CDH13: variants seen among roughly 807,000 people sequenced by gnomAD.
CDH13 encodes cadherin-13.
CDH13 carries 24 observed loss-of-function variants against 63.8 expected under a neutral mutation model. The observed-to-expected ratio is 0.38, with a 90% CI of 0.27 to 0.53. CDH13 has a LOEUF of 0.53. Ranked by LOEUF, CDH13 falls within the 20% of genes least tolerant of loss-of-function variation. The probability of loss-of-function intolerance (pLI) is 0.85; values close to 1 mark genes in which losing one functional copy is unlikely to be tolerated. For missense variants in CDH13, 1,049 were observed against 903.1 expected, an observed-to-expected ratio of 1.16 and a Z score of -2.07; for synonymous variants, 503 against 355.3, an observed-to-expected ratio of 1.42 and a Z score of -4.67.
chr16:82,863,798 C>G (rs1022715794), intron 2 of CDH13, among the ~76,000 whole-genome samples: 2 of 152,124 alleles, frequency 1.3e-5, no homozygotes, highest in Admixed American at 1.3e-4. Flanking sequence ...AAAATACAAA[C>G]AGGTGAAGAA....
At chr16:83,633,918 A>T (rs1312949901) in intron 8 of CDH13, among the ~76,000 whole-genome samples, 1 of 152,062 alleles carries the variant, frequency 6.6e-6, no homozygotes, top group African/African-American at 2.4e-5. Flanking sequence ...TAGTTTCCTT[A>T]TTTTTCCATT....
intron 6 of CDH13, among the ~76,000 whole-genome samples, chr16:83,477,520 T>C (rs2073636541): frequency 1.3e-5 from 2 of 152,202 alleles, no homozygotes; most frequent in African/African-American, 4.8e-5. Context: ...ATCAGGAGTA[T>C]ATATATCTCG....
intron 6 of CDH13, among the ~76,000 whole-genome samples, chr16:83,381,998 G>T (rs4782785): frequency 0.54 from 82,801 of 151,986 alleles, 23,417 homozygotes; most frequent in East Asian, 0.76. Context: ...CAGGAACGAC[G>T]AAAAAGTCTC....
At chr16:83,291,285 A>G (rs1229820460) in intron 5 of CDH13, among the ~76,000 whole-genome samples, 1 of 152,126 alleles carries the variant, frequency 6.6e-6, no homozygotes, top group Non-Finnish European at 1.5e-5. Context: ...GTCACGTAGT[A>G]AATATATTCA....
At chr16:83,287,515 C>A (rs1012531448) in intron 5 of CDH13, among the ~76,000 whole-genome samples, 1 of 152,150 alleles carries the variant, frequency 6.6e-6, no homozygotes, top group Admixed American at 6.5e-5. Context: ...AACCTTATTG[C>A]AAACTGTGTG....
chr16:83,329,899 T>A (rs2090445603), intron 5 of CDH13, among the ~76,000 whole-genome samples: 1 of 152,230 alleles, frequency 6.6e-6, no homozygotes, highest in African/African-American at 2.4e-5. Context: ...TGAATGAATA[T>A]ACCACATTTT....
chr16:83,280,929 C>T (rs543142139), intron 5 of CDH13, among the ~76,000 whole-genome samples: 2 of 152,226 alleles, frequency 1.3e-5, no homozygotes, highest in Non-Finnish European at 2.9e-5. Flanking sequence ...ATTCAGTAAA[C>T]TATGGTGTTA....
chr16:83,419,795 T>C (rs2071661565), intron 6 of CDH13, among the ~76,000 whole-genome samples: 1 of 152,248 alleles, frequency 6.6e-6, no homozygotes, highest in South Asian at 2.1e-4. Context: ...GCTCATGTTT[T>C]CCAGCAGGTT....
chr16:83,420,108 A>T (rs541458564), intron 6 of CDH13, among the ~76,000 whole-genome samples: 1 of 152,304 alleles, frequency 6.6e-6, no homozygotes, highest in African/African-American at 2.4e-5. Context: ...TAAAAAATAT[A>T]AAAGAGAAAT....
intron 2 of CDH13, among the ~76,000 whole-genome samples, chr16:82,971,956 T>G (rs1376380227): frequency 6.6e-6 from 1 of 152,162 alleles, no homozygotes; most frequent in Non-Finnish European, 1.5e-5. Flanking sequence ...TTCAGCTACT[T>G]GAGGCACTAA....
intron 10 of CDH13, among the ~76,000 whole-genome samples, chr16:83,726,803 G>A (rs555470739): frequency 1.5e-3 from 231 of 149,330 alleles, no homozygotes; most frequent in Non-Finnish European, 2.2e-3. Flanking sequence ...GCGCCACTGC[G>A]CTCCAGCCTG....
intron 6 of CDH13, among the ~76,000 whole-genome samples, chr16:83,405,656 G>A (rs565605896): frequency 2.6e-5 from 4 of 152,334 alleles, no homozygotes; most frequent in Admixed American, 6.5e-5. Context: ...TGTTACAGCC[G>A]TAGGAAGGTA....
intron 6 of CDH13, among the ~76,000 whole-genome samples, chr16:83,429,375 T>C (rs1294978546): frequency 6.6e-6 from 1 of 152,176 alleles, no homozygotes; most frequent in Admixed American, 6.5e-5. Context: ...TCTCCTTTGA[T>C]GACCCATCTT....
chr16:82,905,909 T>G (rs1002017472), intron 2 of CDH13, among the ~76,000 whole-genome samples: 1 of 152,198 alleles, frequency 6.6e-6, no homozygotes, highest in Non-Finnish European at 1.5e-5. Context: ...GTTTCTCTCC[T>G]TTTTCTCTTT....
intron 4 of CDH13, among the ~76,000 whole-genome samples, chr16:83,216,028 TC>T (rs1202414943): frequency 6.8e-6 from 1 of 146,218 alleles, no homozygotes; most frequent in African/African-American, 2.5e-5. Flanking sequence ...AGCCTAACCC[TC>T]TACATGCTTA....
chr16:82,726,382 A>G (rs182958313), intron 1 of CDH13, among the ~76,000 whole-genome samples: 5 of 152,354 alleles, frequency 3.3e-5, no homozygotes, highest in African/African-American at 1.2e-4. Context: ...ACAAAACTTT[A>G]TTGTGGACAT....
At chr16:83,500,302 C>CTTTT (rs1567715287) in intron 7 of CDH13, among the ~76,000 whole-genome samples, 10 of 2,336 alleles carry the variant, frequency 4.3e-3, no homozygotes, top group Non-Finnish European at 0.014. Context: ...TTCTCCTTCT[C>CTTTT]CTTCTCCTTC....
At chr16:83,550,078 G>T (rs1159822115) in intron 7 of CDH13, among the ~76,000 whole-genome samples, 1 of 152,208 alleles carries the variant, frequency 6.6e-6, no homozygotes, top group East Asian at 1.9e-4. Context: ...TAGTGCAGGG[G>T]TGATGACTTG....
chr16:83,468,855 C>T (rs551300293), intron 6 of CDH13, among the ~76,000 whole-genome samples: 10 of 152,290 alleles, frequency 6.6e-5, no homozygotes, highest in East Asian at 3.9e-4. Context: ...CTGAACCTAT[C>T]AACCCATCAC....
Sources: allele counts gnomAD v4.1 joint callset (sites outside exome capture counted in the v4.1 genomes callset), GRCh38; gene constraint gnomAD v4.1.1; transcripts MANE v1.5; gene names NCBI Gene and HGNC (gene_info 2026-07-23, HGNC 2026-07-21).